Variants in METTL15 observed in about 807,000 individuals in gnomAD.
The protein encoded by METTL15 is methyltransferase 15, mitochondrial 12S rRNA N4-cytidine, also known as 12S rRNA N(4)-cytidine methyltransferase METTL15.
Under a neutral mutation model 38.3 loss-of-function variants are expected in METTL15, and 34 were observed. That is an observed-to-expected ratio of 0.89 (90% CI 0.68 to 1.18). METTL15 has a LOEUF of 1.18. Ranked by LOEUF, METTL15 falls within the 50% of genes most tolerant of loss-of-function variation. The pLI is 0.00. For missense variants in METTL15, 438 were observed against 498.4 expected, an observed-to-expected ratio of 0.88 and a Z score of 1.15; for synonymous variants, 162 against 170.9, an observed-to-expected ratio of 0.95 and a Z score of 0.41.
intron 4 of METTL15, among the ~76,000 whole-genome samples, chr11:28,236,748 C>A (rs1854000261): frequency 6.6e-6 from 1 of 152,056 alleles, no homozygotes; most frequent in Non-Finnish European, 1.5e-5. Flanking sequence ...ACCAGTTGTG[C>A]CTTTCCATGT....
intron 3 of METTL15, among the ~76,000 whole-genome samples, chr11:28,182,757 ATGACGTTTAAAC>A (rs1851340031): frequency 6.6e-6 from 1 of 152,120 alleles, no homozygotes; most frequent in Non-Finnish European, 1.5e-5. Context: ...TTAGTTCCAT[ATGACGTTTAAAC>A]TAGTTTTTTC....
intron 6 of METTL15, among the ~76,000 whole-genome samples, chr11:28,489,341 G>A (rs1414347162): frequency 2.0e-5 from 3 of 152,112 alleles, no homozygotes; most frequent in African/African-American, 7.2e-5. Context: ...AGCTTCCTTG[G>A]TACTTCAGAG....
At chr11:28,305,760 T>G (rs539536748) in intron 6 of METTL15, among the ~76,000 whole-genome samples, 1 of 152,016 alleles carries the variant, frequency 6.6e-6, no homozygotes, top group East Asian at 1.9e-4. Context: ...AAAGAGAAAT[T>G]TATTTTTGTA....
intron 6 of METTL15, among the ~76,000 whole-genome samples, chr11:28,456,654 C>G (rs1318600985): frequency 6.6e-6 from 1 of 152,002 alleles, no homozygotes; most frequent in African/African-American, 2.4e-5. Flanking sequence ...GTTGGCCAGG[C>G]TGGTCCCGAA....
At chr11:28,265,582 TATATC>T (rs1030828071) in intron 4 of METTL15, among the ~76,000 whole-genome samples, 3 of 152,092 alleles carry the variant, frequency 2.0e-5, no homozygotes, top group East Asian at 1.9e-4. Context: ...AAAACATACT[TATATC>T]ATGTCAATCA....
At chr11:28,269,033 T>C (rs1855540833) in intron 4 of METTL15, among the ~76,000 whole-genome samples, 1 of 152,204 alleles carries the variant, frequency 6.6e-6, no homozygotes, top group Non-Finnish European at 1.5e-5. Context: ...ATAAATCATA[T>C]TGTATCAGGT....
intron 6 of METTL15, among the ~76,000 whole-genome samples, chr11:28,474,884 T>C (rs7105413): frequency 0.029 from 4,343 of 152,274 alleles, 194 homozygotes; most frequent in African/African-American, 0.099. Flanking sequence ...ACTTGGTCAT[T>C]GAACCTCCCA....
At chr11:28,309,060 G>A (rs570583451) in intron 6 of METTL15, among the ~76,000 whole-genome samples, 2 of 152,102 alleles carry the variant, frequency 1.3e-5, no homozygotes, top group East Asian at 1.9e-4. Context: ...TTTCCAAGCT[G>A]TACTCCCTCA....
chr11:28,478,140 T>C (rs1282056660), intron 6 of METTL15, among the ~76,000 whole-genome samples: 2 of 152,336 alleles, frequency 1.3e-5, no homozygotes, highest in Admixed American at 6.5e-5. Flanking sequence ...CTTAAAACTT[T>C]AGTCAGATAA....
intron 4 of METTL15, among the ~76,000 whole-genome samples, chr11:28,262,350 A>G (rs1250010301): frequency 2.0e-5 from 3 of 150,998 alleles, no homozygotes; most frequent in African/African-American, 7.3e-5. Context: ...TATATACACT[A>G]TATAACTACA....
intron 5 of METTL15, among the ~76,000 whole-genome samples, chr11:28,366,863 A>G (rs542758782): frequency 6.6e-6 from 1 of 152,318 alleles, no homozygotes; most frequent in South Asian, 2.1e-4. Flanking sequence ...AACAATATAT[A>G]GTCCAAAAGG....
chr11:28,137,965 A>T (rs577782338), intron 3 of METTL15, among the ~76,000 whole-genome samples: 7 of 152,310 alleles, frequency 4.6e-5, no homozygotes, highest in Middle Eastern at 3.4e-3. Flanking sequence ...TAGTCAGATC[A>T]TTGGCCTCAG....
At chr11:28,460,536 C>T (rs557464071) in intron 6 of METTL15, among the ~76,000 whole-genome samples, 1 of 152,196 alleles carries the variant, frequency 6.6e-6, no homozygotes, top group African/African-American at 2.4e-5. Context: ...GCCTCAGCAA[C>T]AACCTTCTGT....
chr11:28,279,830 C>T (rs1053567915), intron 4 of METTL15, among the ~76,000 whole-genome samples: 4 of 148,832 alleles, frequency 2.7e-5, no homozygotes, highest in African/African-American at 7.4e-5. Flanking sequence ...ACCCGGGAGG[C>T]GGAGGTTGCA....
At chr11:28,361,632 CT>C (rs762477616) in intron 4 of METTL15, among the ~76,000 whole-genome samples, 7 of 152,048 alleles carry the variant, frequency 4.6e-5, no homozygotes, top group Non-Finnish European at 1.0e-4. Context: ...GAAATTTCTC[CT>C]TTTAATCACA....
At chr11:28,193,538 C>T (rs1347848776) in intron 3 of METTL15, among the ~76,000 whole-genome samples, 2 of 152,096 alleles carry the variant, frequency 1.3e-5, no homozygotes, top group Non-Finnish European at 2.9e-5. Context: ...CCAGGCCCCA[C>T]TTCCAACACT....
intron 6 of METTL15, chr11:28,328,208 T>A: frequency 6.4e-7 from 1 of 1,574,780 alleles, no homozygotes; most frequent in Non-Finnish European, 8.7e-7. Context: ...ATGGACATCA[T>A]GTTCCTGAGA....
chr11:28,185,524 A>G (rs558173324), intron 3 of METTL15, among the ~76,000 whole-genome samples: 2 of 151,562 alleles, frequency 1.3e-5, no homozygotes, highest in South Asian at 4.1e-4. Flanking sequence ...CTGTCAACCA[A>G]TTAGTAGCTG....
At chr11:28,173,165 C>T (rs1043841817) in intron 3 of METTL15, among the ~76,000 whole-genome samples, 15 of 152,000 alleles carry the variant, frequency 9.9e-5, no homozygotes, top group African/African-American at 2.9e-4. Context: ...TGTAAAGATA[C>T]TACAGAGTTC....
Sources: allele counts gnomAD v4.1 joint callset (sites outside exome capture counted in the v4.1 genomes callset), GRCh38; gene constraint gnomAD v4.1.1; transcripts MANE v1.5; gene names NCBI Gene and HGNC (gene_info 2026-07-23, HGNC 2026-07-21).